The following MAP3K7CL variants were observed in gnomAD, a reference collection of about 807,000 sequenced individuals.
The protein encoded by MAP3K7CL is MAP3K7 C-terminal like.
In MAP3K7CL, 16 loss-of-function variants were observed where a neutral mutation model predicts 18.6. The ratio of observed to expected loss-of-function variants is 0.86; its 90% CI spans 0.58 to 1.31. The LOEUF (loss-of-function observed/expected upper bound fraction) is 1.31. Ranked by LOEUF, MAP3K7CL falls within the 50% of genes most tolerant of loss-of-function variation. The probability of loss-of-function intolerance (pLI) is 0.00; values close to 1 mark genes in which losing one functional copy is unlikely to be tolerated. For synonymous variants in MAP3K7CL, 65 were observed against 66.8 expected, an observed-to-expected ratio of 0.97 and a Z score of 0.13; for missense variants, 163 against 174.4, an observed-to-expected ratio of 0.93 and a Z score of 0.37.
At chr21:29,125,160 G>GC (rs1160225050) in intron 4 of MAP3K7CL, among the ~76,000 whole-genome samples, 1 of 152,094 alleles carries the variant, frequency 6.6e-6, no homozygotes, top group Non-Finnish European at 1.5e-5. Context: ...TTTATTTCTG[G>GC]CATTGTTGCA....
chr21:29,169,773 A>G (rs918032054), intron 4 of MAP3K7CL, among the ~76,000 whole-genome samples: 1 of 152,238 alleles, frequency 6.6e-6, no homozygotes, highest in Admixed American at 6.5e-5. Context: ...ATAAAGTTTG[A>G]AAGTTTTCTT....
In MAP3K7CL at chr21:29,116,216, ACT is replaced by A. The variant is rs1159740508; in HGVS notation, c.370+23638_370+23639del. Among the ~76,000 whole-genome samples, 12 of 152,322 alleles carry A rather than the reference ACT, an allele frequency of 7.9e-5. No individual in the cohort carries two copies. In the East Asian group the frequency reaches 2.1e-3, roughly 27 times the overall value. ...CTACAATAAATCTTCAGCTATACTA[ACT>A]CTGTCACTGAACAAGCCATGAGATT... is the stretch of plus-strand genomic sequence containing the variant. On this transcript the variant is annotated intron_variant, in intron 4 of 6. Coordinates refer to the MAP3K7CL transcript ENST00000286791.
At chr21:29,139,665 A>C (rs1387097322) in intron 2 of MAP3K7CL, among the ~76,000 whole-genome samples, 4 of 151,018 alleles carry the variant, frequency 2.6e-5, no homozygotes, top group Non-Finnish European at 5.9e-5. Flanking sequence ...GCTCACTGCA[A>C]CCTTCACCTC....
At chr21:29,117,729 C>G (rs1166634628) in intron 4 of MAP3K7CL, among the ~76,000 whole-genome samples, 1 of 152,196 alleles carries the variant, frequency 6.6e-6, no homozygotes, top group East Asian at 1.9e-4. Context: ...ATGAACAAAA[C>G]ATGATCTCTT....
intron 2 of MAP3K7CL, among the ~76,000 whole-genome samples, chr21:29,147,936 CTG>C (rs58855316): frequency 0.027 from 3,973 of 149,030 alleles, 134 homozygotes; most frequent in East Asian, 0.17. Context: ...GTGTATGTAT[CTG>C]TACTGTATCT....
At chr21:29,129,578 A>G (rs1324428125), upstream of MAP3K7CL, among the ~76,000 whole-genome samples, 1 of 152,190 alleles carries the variant, frequency 6.6e-6, no homozygotes, top group East Asian at 1.9e-4. Flanking sequence ...TTATTTACCT[A>G]TTGAAGAACT....
chr21:29,153,154 A>G (rs972968461), intron 3 of MAP3K7CL, among the ~76,000 whole-genome samples: 1 of 152,226 alleles, frequency 6.6e-6, no homozygotes, highest in Admixed American at 6.5e-5. Flanking sequence ...AGTGAAAAAC[A>G]TTTCTCTTGA....
intron 4 of MAP3K7CL, among the ~76,000 whole-genome samples, chr21:29,122,772 G>A (rs574050792): frequency 6.6e-6 from 1 of 152,300 alleles, no homozygotes; most frequent in South Asian, 2.1e-4. Context: ...ATTCGGGTGG[G>A]AAATGAGGAA....
At chr21:29,100,422 T>G (rs993982838) in intron 4 of MAP3K7CL, among the ~76,000 whole-genome samples, 1 of 152,150 alleles carries the variant, frequency 6.6e-6, no homozygotes, top group Non-Finnish European at 1.5e-5. Flanking sequence ...TACTAAGAGG[T>G]TGCAGTAACT....
intron 1 of MAP3K7CL, among the ~76,000 whole-genome samples, chr21:29,079,783 G>T (rs530586945): frequency 4.6e-5 from 7 of 152,330 alleles, no homozygotes; most frequent in Admixed American, 1.3e-4. Flanking sequence ...ACTTGAGGCT[G>T]TACTGGAGTG....
rs140939755 is a variant in MAP3K7CL, at chr21:29,164,159, T to C, written c.248+4103T>C. ...AATTGGGAAATATGGTAATATCTTA[T>C]ATTTATAAATACATGAGCTTGGTTT... is the stretch of plus-strand genomic sequence containing the variant. On this transcript the variant is annotated intron_variant, in intron 4 of 4. Transcript: ENST00000399928. Among the ~76,000 whole-genome samples, 16 of 152,246 alleles carry C rather than the reference T, an allele frequency of 1.1e-4. 1 individual carries two copies. In the East Asian group the frequency reaches 2.9e-3, roughly 28 times the overall value.
chr21:29,107,727 T>G (rs1402127846), intron 4 of MAP3K7CL, among the ~76,000 whole-genome samples: 1 of 152,232 alleles, frequency 6.6e-6, no homozygotes, highest in Admixed American at 6.5e-5. Context: ...TTTATTGAAC[T>G]GCTACATTAA....
intron 4 of MAP3K7CL, among the ~76,000 whole-genome samples, chr21:29,098,339 T>G (rs2086159867): frequency 6.6e-6 from 1 of 152,204 alleles, no homozygotes; most frequent in South Asian, 2.1e-4. Flanking sequence ...CTACTGTTAC[T>G]CTCTGAGCCT....
At chr21:29,086,159 T>G (rs2085922403) in intron 1 of MAP3K7CL, among the ~76,000 whole-genome samples, 1 of 152,358 alleles carries the variant, frequency 6.6e-6, no homozygotes, top group Middle Eastern at 3.4e-3. Flanking sequence ...CCAAGTCATT[T>G]AAGACCTTTT....
At chr21:29,126,175 G>A (rs752410316), upstream of MAP3K7CL, among the ~76,000 whole-genome samples, 11 of 152,212 alleles carry the variant, frequency 7.2e-5, no homozygotes, top group Admixed American at 2.6e-4. Context: ...TCCACTGGAT[G>A]TTCAGTCAGG....
At chr21:29,125,958 A>AGAT (rs1286584081), upstream of MAP3K7CL, among the ~76,000 whole-genome samples, 1 of 152,254 alleles carries the variant, frequency 6.6e-6, no homozygotes, top group Admixed American at 6.5e-5. Flanking sequence ...TTCTTCAAAC[A>AGAT]GATGTATCAG....
At chr21:29,126,144 G>T (rs931289002), upstream of MAP3K7CL, among the ~76,000 whole-genome samples, 2 of 152,204 alleles carry the variant, frequency 1.3e-5, no homozygotes, top group Admixed American at 6.5e-5. Context: ...CGGCACTGTG[G>T]GGGGAGCTGT....
intron 4 of MAP3K7CL, chr21:29,092,624 G>A (rs1187300694): frequency 2.5e-6 from 4 of 1,609,058 alleles, no homozygotes; most frequent in Non-Finnish European, 3.4e-6. Context: ...GGTTCTGAAG[G>A]CTTTTTACAC....
intron 4 of MAP3K7CL, among the ~76,000 whole-genome samples, chr21:29,162,365 T>G (rs958185049): frequency 6.6e-6 from 1 of 151,444 alleles, no homozygotes; most frequent in Admixed American, 6.6e-5. Flanking sequence ...GTTCTGTAAG[T>G]TTTTTTTATG....
Sources: allele counts gnomAD v4.1 joint callset (sites outside exome capture counted in the v4.1 genomes callset), GRCh38; gene constraint gnomAD v4.1.1; transcripts MANE v1.5; gene names NCBI Gene and HGNC (gene_info 2026-07-23, HGNC 2026-07-21).